Variants in GRID2 observed in about 807,000 individuals in gnomAD.
GRID2 encodes the protein glutamate receptor ionotropic, delta-2.
A neutral mutation model predicts 114.8 loss-of-function variants in GRID2; 33 were observed. The ratio of observed to expected loss-of-function variants is 0.29; its 90% CI spans 0.22 to 0.38. GRID2 has a LOEUF of 0.38. GRID2 is among the 10% of genes least tolerant of loss of function. GRID2 has a pLI of 1.00. For synonymous variants in GRID2, 505 were observed against 449.9 expected (o/e 1.12, Z -1.55); for missense variants, 1,184 against 1,257.7 (o/e 0.94, Z 0.89).
chr4:93,445,208 G>A (rs1485033), intron 10 of GRID2, among the ~76,000 whole-genome samples: 101,901 of 151,806 alleles, frequency 0.67, 34,656 homozygotes, highest in African/African-American at 0.78. Flanking sequence ...AAAGACATGA[G>A]TTGGAAGCTA....
intron 1 of GRID2, among the ~76,000 whole-genome samples, chr4:92,455,966 C>T (rs1349216323): frequency 6.6e-6 from 1 of 152,096 alleles, no homozygotes; most frequent in Non-Finnish European, 1.5e-5. Flanking sequence ...AAGATTGTAT[C>T]TTTTATGTAG....
At chr4:93,475,043 A>G (rs1263921298) in intron 11 of GRID2, among the ~76,000 whole-genome samples, 1 of 151,962 alleles carries the variant, frequency 6.6e-6, no homozygotes, top group African/African-American at 2.4e-5. Flanking sequence ...CCCTGAGCCT[A>G]CTTCCTCTTT....
chr4:93,252,988 G>T (rs188268510), intron 8 of GRID2, among the ~76,000 whole-genome samples: 18 of 151,998 alleles, frequency 1.2e-4, no homozygotes, highest in Middle Eastern at 3.4e-3. Flanking sequence ...AGTGGTTTAC[G>T]CCTGTAATCC....
chr4:93,777,229 TACC>T (rs1275388397), downstream of GRID2, among the ~76,000 whole-genome samples: 5 of 152,244 alleles, frequency 3.3e-5, no homozygotes, highest in Non-Finnish European at 7.3e-5. Flanking sequence ...TGATTCAGCC[TACC>T]ACTGGGATAG....
intron 4 of GRID2, among the ~76,000 whole-genome samples, chr4:93,185,663 T>A (rs925471316): frequency 6.6e-6 from 1 of 152,194 alleles, no homozygotes; most frequent in Admixed American, 6.5e-5. Context: ...TTAACAAAAA[T>A]TACTTAGAAA....
At chr4:93,134,399 T>C (rs1014604395) in intron 4 of GRID2, among the ~76,000 whole-genome samples, 3 of 152,150 alleles carry the variant, frequency 2.0e-5, no homozygotes, top group Admixed American at 6.5e-5. Context: ...AGTAATGGGA[T>C]GGTGCTTAGT....
intron 1 of GRID2, among the ~76,000 whole-genome samples, chr4:92,314,401 A>T (rs1308722825): frequency 6.6e-6 from 1 of 152,192 alleles, no homozygotes. Context: ...AGACAAATTT[A>T]AATCCATTGT....
chr4:93,237,679 CAAGA>C (rs1179645109), intron 7 of GRID2, among the ~76,000 whole-genome samples: 1 of 151,570 alleles, frequency 6.6e-6, no homozygotes, highest in Non-Finnish European at 1.5e-5. Context: ...GAATGATAAA[CAAGA>C]AAGAGAGAAG....
chr4:92,348,463 A>T (rs1254289070), intron 1 of GRID2, among the ~76,000 whole-genome samples: 1 of 152,202 alleles, frequency 6.6e-6, no homozygotes, highest in Non-Finnish European at 1.5e-5. Flanking sequence ...TAGGGAAAAA[A>T]GTTGGAACTC....
chr4:92,530,475 A>C (rs1725282033), intron 1 of GRID2, among the ~76,000 whole-genome samples: 1 of 148,260 alleles, frequency 6.7e-6, no homozygotes, highest in South Asian at 2.2e-4. Flanking sequence ...GAAAAAGTCA[A>C]CCACTACCAC....
chr4:92,448,083 C>T (rs962004878), intron 1 of GRID2, among the ~76,000 whole-genome samples: 2 of 152,090 alleles, frequency 1.3e-5, no homozygotes, highest in East Asian at 3.9e-4. Context: ...AGTGCAAAGA[C>T]ATGCTTGGGT....
intron 1 of GRID2, among the ~76,000 whole-genome samples, chr4:92,541,073 C>T (rs539742745): frequency 6.6e-6 from 1 of 151,982 alleles, no homozygotes; most frequent in South Asian, 2.1e-4. Context: ...TGTTCTCACT[C>T]ATAGGTGGGA....
At chr4:93,496,141 TG>T (rs1727521256) in intron 12 of GRID2, among the ~76,000 whole-genome samples, 1 of 148,282 alleles carries the variant, frequency 6.7e-6, no homozygotes, top group Non-Finnish European at 1.5e-5. Flanking sequence ...AAAAACAGGC[TG>T]TTTTGAGAAA....
intron 2 of GRID2, among the ~76,000 whole-genome samples, chr4:92,899,296 T>A (rs1189395387): frequency 6.6e-6 from 1 of 152,152 alleles, no homozygotes; most frequent in Non-Finnish European, 1.5e-5. Context: ...GCATATTTCT[T>A]TTTCAGTTTT....
chr4:92,470,694 A>G (rs1434948588), intron 1 of GRID2, among the ~76,000 whole-genome samples: 1 of 152,044 alleles, frequency 6.6e-6, no homozygotes, highest in Non-Finnish European at 1.5e-5. Flanking sequence ...ACTGACTGCA[A>G]TCATTCAGAA....
At chr4:93,457,338 C>T (rs529619496) in intron 11 of GRID2, among the ~76,000 whole-genome samples, 4 of 151,180 alleles carry the variant, frequency 2.6e-5, no homozygotes, top group East Asian at 3.9e-4. Flanking sequence ...GAGACATAAA[C>T]GGTTAGGATG....
At chr4:92,904,462 G>A (rs1420038147) in intron 2 of GRID2, among the ~76,000 whole-genome samples, 2 of 151,784 alleles carry the variant, frequency 1.3e-5, no homozygotes, top group Non-Finnish European at 2.9e-5. Flanking sequence ...GAAGTGTACT[G>A]TGAGTTTGGA....
At chr4:93,712,839 A>T (rs976711992) in intron 14 of GRID2, among the ~76,000 whole-genome samples, 1 of 152,190 alleles carries the variant, frequency 6.6e-6, no homozygotes, top group South Asian at 2.1e-4. Flanking sequence ...TCTTATTATA[A>T]GTTTTTTATT....
intron 2 of GRID2, among the ~76,000 whole-genome samples, chr4:92,896,209 G>A (rs950468412): frequency 3.9e-5 from 6 of 152,092 alleles, no homozygotes; most frequent in African/African-American, 1.4e-4. Context: ...TTCTGAGAAA[G>A]CCTAGAAGAG....
Sources: gnomAD v4.1 joint callset for allele counts (sites outside exome capture counted in the v4.1 genomes callset) on GRCh38, gnomAD v4.1.1 for gene constraint, MANE v1.5 for transcripts, NCBI Gene and HGNC (gene_info 2026-07-23, HGNC 2026-07-21) for gene names.